NDUFA10: variants seen among roughly 807,000 people sequenced by gnomAD.
NDUFA10 encodes the protein NADH dehydrogenase [ubiquinone] 1 alpha subcomplex subunit 10, mitochondrial.
A neutral mutation model predicts 47.8 loss-of-function variants in NDUFA10; 40 were observed. The ratio of observed to expected loss-of-function variants is 0.84; its 90% CI spans 0.65 to 1.09. The LOEUF (loss-of-function observed/expected upper bound fraction) is 1.09. NDUFA10 is among the 50% of genes least tolerant of loss of function. The pLI is 0.00. For missense variants in NDUFA10, 413 were observed against 451.1 expected, an observed-to-expected ratio of 0.92 and a Z score of 0.76; for synonymous variants, 183 against 172.2, an observed-to-expected ratio of 1.06 and a Z score of -0.49.
chr2:240,024,526 T>C (rs895387590), intron 1 of NDUFA10, among the ~76,000 whole-genome samples: 1 of 152,236 alleles, frequency 6.6e-6, no homozygotes, highest in African/African-American at 2.4e-5. Flanking sequence ...TGTACGAACC[T>C]ATAATGGTGG....
At chr2:239,984,199 C>T (rs889857624) in intron 9 of NDUFA10, among the ~76,000 whole-genome samples, 3 of 151,300 alleles carry the variant, frequency 2.0e-5, no homozygotes, top group Non-Finnish European at 4.4e-5. Context: ...TGCCATTGCA[C>T]TCCAGCCTGG....
rs866125917 is a variant in NDUFA10 at position 239,961,048 on chromosome 2, G to A, written c.*70C>T. 5.6e-6 allele frequency: 9 copies of A among 1,609,290 alleles called. No homozygotes were observed. Among genetic ancestry groups the A allele is most frequent in the African/African-American group, 5.3e-5 (4 of 74,788 alleles). On this transcript the variant is annotated 3_prime_UTR_variant, in exon 10 of 10. Transcript: ENST00000252711. ...CCTCCCCCGATCTTAAAGCTATATGGCGTCCAGGAGAGTGCGGCTGATGCA... is the reference window on the plus strand; with the variant it reads ...CCTCCCCCGATCTTAAAGCTATATGACGTCCAGGAGAGTGCGGCTGATGCA...
chr2:240,005,423 A>G (rs1696913105), intron 7 of NDUFA10, 128 bp from the exon 8 acceptor site: 3 of 745,378 alleles, frequency 4.0e-6, no homozygotes, highest in South Asian at 2.9e-5. Flanking sequence ...ATCACAGCAC[A>G]CTGCAGCCTT....
chr2:239,920,094 G>C (rs1299435896), intron 4 of NDUFA10, among the ~76,000 whole-genome samples: 2 of 152,210 alleles, frequency 1.3e-5, no homozygotes, highest in Non-Finnish European at 1.5e-5. Context: ...GGGATTTGGA[G>C]GTGGGGCCTT....
At chr2:239,953,089 C>T (rs1694584225), downstream of NDUFA10, among the ~76,000 whole-genome samples, 2 of 152,226 alleles carry the variant, frequency 1.3e-5, no homozygotes, top group South Asian at 4.1e-4. Flanking sequence ...ATCCCCAGCT[C>T]CTGGGACATG....
intron 2 of NDUFA10, among the ~76,000 whole-genome samples, chr2:240,021,686 C>A (rs897394888): frequency 2.6e-5 from 4 of 152,228 alleles, no homozygotes; most frequent in Non-Finnish European, 5.9e-5. Context: ...GGAGCCCCCT[C>A]TAGCGGGCAG....
chr2:239,933,652 C>T (rs1054018864), intron 4 of NDUFA10, among the ~76,000 whole-genome samples: 36 of 151,674 alleles, frequency 2.4e-4, no homozygotes, highest in African/African-American at 8.0e-4. Context: ...CCCAGGGCTA[C>T]GGGGAGTGTC....
At chr2:239,920,075 C>A (rs1022056289) in intron 4 of NDUFA10, among the ~76,000 whole-genome samples, 5 of 152,200 alleles carry the variant, frequency 3.3e-5, no homozygotes, top group African/African-American at 1.2e-4. Flanking sequence ...GCCCTGGTCC[C>A]AGCATAATGG....
At chr2:240,014,622 G>A in intron 5 of NDUFA10, 117 bp downstream of exon 5, 2 of 1,467,278 alleles carry the variant, frequency 1.4e-6, no homozygotes, top group Non-Finnish European at 1.9e-6. Flanking sequence ...CAGGGTGTGT[G>A]TCACCCTCCT....
In NDUFA10 at chr2:240,016,522, G is replaced by A. The variant is rs116559690; in HGVS notation, c.548-1662C>T. Among the ~76,000 whole-genome samples the A allele has an allele frequency of 4.4e-3, 666 of 152,180 alleles. 6 individuals are homozygous for A. Among genetic ancestry groups the A allele is most frequent in the African/African-American group, 0.015 (633 of 41,504 alleles). ...ACTCTGGCTAACATCACCAGCCCCCGAAAGGTGAAACGTGACAGTCACTTC... is the reference window on the plus strand; with the variant it reads ...ACTCTGGCTAACATCACCAGCCCCCAAAAGGTGAAACGTGACAGTCACTTC... On this transcript the variant is annotated intron_variant, in intron 4 of 9. Transcript: ENST00000252711. The surrounding 1 kb of genome is among the most constrained non-coding windows in gnomAD (Gnocchi z 4.4).
chr2:239,995,247 C>T (rs868045166), intron 8 of NDUFA10, among the ~76,000 whole-genome samples: 3 of 151,464 alleles, frequency 2.0e-5, no homozygotes, highest in South Asian at 2.1e-4. Flanking sequence ...GCAGCCTGGG[C>T]GATGGGCAAC....
chr2:239,992,205 C>T (rs1413818300), intron 8 of NDUFA10, among the ~76,000 whole-genome samples: 1 of 152,130 alleles, frequency 6.6e-6, no homozygotes, highest in East Asian at 1.9e-4. Context: ...CACTTAGTTT[C>T]ATTAAGAAGA....
chr2:240,001,708 T>C (rs1342156692), intron 8 of NDUFA10, among the ~76,000 whole-genome samples: 3 of 152,252 alleles, frequency 2.0e-5, no homozygotes, highest in Non-Finnish European at 2.9e-5. Context: ...AAGTTAAAAT[T>C]ACTCGGAATA....
At chr2:240,017,768 G>A (rs1474193754) in intron 4 of NDUFA10, 2 of 1,468,558 alleles carry the variant, frequency 1.4e-6, no homozygotes, top group Admixed American at 3.9e-5. Flanking sequence ...GCAACACCAG[G>A]ACACACAAGC....
chr2:239,938,909 C>T (rs10469794), intron 4 of NDUFA10, among the ~76,000 whole-genome samples: 15,271 of 152,226 alleles, frequency 0.1, 825 homozygotes, highest in Admixed American at 0.13. Context: ...CCCCCGCGGA[C>T]GGCTTGGTTC....
chr2:239,946,222 TGGCCACTCA>T (rs566165938), intron 4 of NDUFA10, among the ~76,000 whole-genome samples: 7 of 152,222 alleles, frequency 4.6e-5, no homozygotes, highest in African/African-American at 1.7e-4. Context: ...AGGTGGCACC[TGGCCACTCA>T]AGCCACTCAA....
chr2:239,937,544 A>C (rs1694284828), intron 4 of NDUFA10, among the ~76,000 whole-genome samples: 1 of 152,166 alleles, frequency 6.6e-6, no homozygotes, highest in South Asian at 2.1e-4. Context: ...TTATGGCCTA[A>C]TGAGTCTGCC....
At chr2:239,910,472 A>G (rs1357754821) in intron 4 of NDUFA10, among the ~76,000 whole-genome samples, 4 of 152,176 alleles carry the variant, frequency 2.6e-5, no homozygotes, top group Non-Finnish European at 4.4e-5. Context: ...AGGAACAGAA[A>G]ACCAAACACC....
chr2:240,011,839 G>T, intron 5 of NDUFA10, 143 bp from the exon 6 acceptor site: 1 of 731,806 alleles, frequency 1.4e-6, no homozygotes, highest in Non-Finnish European at 2.4e-6. Flanking sequence ...CGGGGTGACA[G>T]CAAAGGGTCC....
Sources: gnomAD v4.1 joint callset for allele counts (sites outside exome capture counted in the v4.1 genomes callset) on GRCh38, gnomAD v4.1.1 for gene constraint, Gnocchi (gnomAD v3.1) non-coding constraint, MANE v1.5 for transcripts, NCBI Gene and HGNC (gene_info 2026-07-23, HGNC 2026-07-21) for gene names.